The following TRAF3IP1 variants were observed in gnomAD, a reference collection of about 807,000 sequenced individuals.
The protein encoded by TRAF3IP1 is intraflagellar transport 54, also known as TRAF3-interacting protein 1.
A neutral mutation model predicts 89.9 loss-of-function variants in TRAF3IP1; 53 were observed. That is an observed-to-expected ratio of 0.59 (90% CI 0.47 to 0.74). The LOEUF is 0.74. TRAF3IP1 is among the 30% of genes least tolerant of loss of function. The pLI is 0.00. For synonymous variants in TRAF3IP1, 311 were observed against 322.1 expected (o/e 0.97, Z 0.37); for missense variants, 806 against 866.1 (o/e 0.93, Z 0.87).
chr2:238,327,368 G>A (rs1237549562), intron 3 of TRAF3IP1, among the ~76,000 whole-genome samples: 1 of 152,140 alleles, frequency 6.6e-6, no homozygotes, highest in African/African-American at 2.4e-5. Context: ...GTTTATCTGT[G>A]TCCCCAGTAC....
chr2:238,353,480 G>A (rs999099800), intron 14 of TRAF3IP1, among the ~76,000 whole-genome samples: 2 of 152,174 alleles, frequency 1.3e-5, no homozygotes, highest in South Asian at 2.1e-4. Flanking sequence ...ATGACATCTC[G>A]TCTCTTCCGT....
chr2:238,348,291 T>G (rs1221504243), intron 10 of TRAF3IP1, among the ~76,000 whole-genome samples: 2 of 152,196 alleles, frequency 1.3e-5, no homozygotes, highest in Non-Finnish European at 2.9e-5. Flanking sequence ...TGTATATATA[T>G]ATATGCATAT....
chr2:238,392,579 T>G (rs1701039447), intron 15 of TRAF3IP1, among the ~76,000 whole-genome samples: 1 of 152,172 alleles, frequency 6.6e-6, no homozygotes, highest in East Asian at 1.9e-4. Context: ...TGTTCCTTTT[T>G]TTTTTTTCTT....
rs578240988 is a variant in TRAF3IP1 at position 238,374,173 on chromosome 2, T to C, written c.1689+18093T>C. ...CCGGAACTTCCAACACTGTGTTGAA[T>C]AGGAGTGGTGAGAGAGGGCATCCTT... On this transcript the variant is annotated intron_variant, in intron 15 of 16. Transcript: ENST00000373327. Among the ~76,000 whole-genome samples, 31 of 152,342 alleles carry C rather than the reference T, an allele frequency of 2.0e-4. No homozygotes were observed. In the East Asian group the frequency reaches 5.6e-3, roughly 27 times the overall value.
chr2:238,372,369 GA>G (rs1700147007), intron 15 of TRAF3IP1, among the ~76,000 whole-genome samples: 1 of 152,158 alleles, frequency 6.6e-6, no homozygotes, highest in East Asian at 1.9e-4. Context: ...TTATGAGTGA[GA>G]ACATGTGGTG....
intron 15 of TRAF3IP1, among the ~76,000 whole-genome samples, chr2:238,368,389 T>G (rs1699973903): frequency 6.6e-6 from 1 of 152,200 alleles, no homozygotes; most frequent in Non-Finnish European, 1.5e-5. Flanking sequence ...ATTTTTCATA[T>G]TGGACTGTTA....
Position 238,325,697 on chromosome 2 carries a change from A to T in TRAF3IP1, c.193-112A>T, listed in dbSNP as rs923854675. 4.5e-6 allele frequency: 5 copies of T among 1,103,046 alleles called. No individual in the cohort carries two copies. The Admixed American group carries it at 1.4e-4, about 30-fold the overall frequency. The allele number at this position is 1,103,046 out of a possible 1,614,324, so 68.3% of individuals were successfully genotyped here. A position where few individuals can be genotyped will look rare whatever the true frequency, so the allele number is the denominator to read the frequency against. On this transcript the variant is annotated intron_variant, in intron 2 of 16. Transcript: ENST00000373327. ...TATTTCTAGATTTGTTATATATCTA[A>T]AAACAGCTTTGTATGTAAACAGAAA...
chr2:238,325,291 C>G lies in TRAF3IP1; in HGVS notation c.124-15C>G. On this transcript the variant is annotated splice_polypyrimidine_tract_variant and intron_variant, in intron 1 of 16. Transcript: ENST00000373327. ...TCTGTGAGGTGACATGGTGGCCTTTCTTTCTCTCTTGAAGGTGATTAGAAT... is the reference window on the plus strand; with the variant it reads ...TCTGTGAGGTGACATGGTGGCCTTTGTTTCTCTCTTGAAGGTGATTAGAAT... 6.2e-7 allele frequency: 1 copy of G among 1,614,024 alleles called. No homozygotes were observed. Among genetic ancestry groups the G allele is most frequent in the Non-Finnish European group, 8.5e-7 (1 of 1,179,922 alleles).
chr2:238,373,609 A>G (rs1327621579), intron 15 of TRAF3IP1, among the ~76,000 whole-genome samples: 3 of 152,158 alleles, frequency 2.0e-5, no homozygotes, highest in African/African-American at 7.2e-5. Flanking sequence ...TCGTCTTGGC[A>G]ATGCGGGCTC....
At position 238,355,987 on chromosome 2, in the gene TRAF3IP1, C is replaced by T. The variant is rs369251084; in HGVS notation, c.1613-17C>T. ...AGAGAATAAACTTTTAACATAAAAT[C>T]ACTGATTTTTCAACAGGTGGACTTG... is the stretch of plus-strand genomic sequence containing the variant. On this transcript the variant is annotated splice_polypyrimidine_tract_variant and intron_variant, in intron 14 of 16. Coordinates refer to ENST00000373327, the MANE Select transcript of TRAF3IP1 (RefSeq NM_015650.4). The T allele has an allele frequency of 1.2e-5, 19 of 1,602,000 alleles. No homozygotes were observed. The highest frequency in any genetic ancestry group is 1.5e-5 in the Non-Finnish European group (18 of 1,169,848).
At chr2:238,326,001 A>C (rs752599588) in intron 3 of TRAF3IP1, 31 bp downstream of exon 3, 2 of 1,592,098 alleles carry the variant, frequency 1.3e-6, no homozygotes, top group Admixed American at 3.6e-5. Flanking sequence ...TTTTGAACTT[A>C]CTTAGTACTT....
intron 15 of TRAF3IP1, among the ~76,000 whole-genome samples, chr2:238,357,259 A>T (rs1325156452): frequency 6.6e-6 from 1 of 152,210 alleles, no homozygotes. Context: ...TGTGTCTCAA[A>T]TGCCACAGCC....
At chr2:238,365,550 C>T (rs549157520) in intron 15 of TRAF3IP1, among the ~76,000 whole-genome samples, 2 of 151,910 alleles carry the variant, frequency 1.3e-5, no homozygotes, top group East Asian at 1.9e-4. Flanking sequence ...TCCAGCCACT[C>T]GGGAGGCTGA....
chr2:238,386,621 A>G (rs1208970049), intron 15 of TRAF3IP1, among the ~76,000 whole-genome samples: 3 of 152,036 alleles, frequency 2.0e-5, no homozygotes, highest in African/African-American at 7.2e-5. Flanking sequence ...CCAAAATTTA[A>G]CTCTTGAAGC....
intron 15 of TRAF3IP1, among the ~76,000 whole-genome samples, chr2:238,374,739 G>A (rs1041494696): frequency 6.6e-6 from 1 of 152,146 alleles, no homozygotes; most frequent in East Asian, 1.9e-4. Flanking sequence ...GTAGAATTTG[G>A]CTCTGAATCC....
Position 238,325,868 on chromosome 2 carries a change from G to C in TRAF3IP1, c.252G>C (p.Ser84=). Residue 84 remains serine, a synonymous_variant, in exon 3 of 17, where the codon TCG becomes TCC. Coordinates refer to ENST00000373327, the MANE Select transcript of TRAF3IP1 (RefSeq NM_015650.4). ...CCATAGACGTGGTTGTAATGGTGTC[G>C]GGAGAGCCACTGTTGGCCAAACCAG... The part of the protein sequence containing the change: ...QKAIDVVVMV[S]GEPLLAKPAR... The C allele has an allele frequency of 1.2e-6, 2 of 1,614,194 alleles. No homozygotes were observed. The highest frequency in any genetic ancestry group is 1.7e-6 in the Non-Finnish European group (2 of 1,180,030).
intron 3 of TRAF3IP1, 114 bp downstream of exon 3, chr2:238,326,084 T>G: frequency 1.0e-6 from 1 of 985,002 alleles, no homozygotes; most frequent in Non-Finnish European, 1.5e-6. Context: ...GTGGTGTCTG[T>G]CAAACACTGT....
At chr2:238,374,970 G>A (rs2106356194) in intron 15 of TRAF3IP1, among the ~76,000 whole-genome samples, 1 of 152,214 alleles carries the variant, frequency 6.6e-6, no homozygotes, top group East Asian at 1.9e-4. Context: ...GGGATTGCTG[G>A]TGATATCTCC....
chr2:238,390,979 G>A (rs866648083), intron 15 of TRAF3IP1, among the ~76,000 whole-genome samples: 3 of 152,044 alleles, frequency 2.0e-5, no homozygotes, highest in African/African-American at 4.8e-5. Flanking sequence ...TGAGAAAAAA[G>A]GGTTTCGCTC....
Sources: allele counts gnomAD v4.1 joint callset (sites outside exome capture counted in the v4.1 genomes callset), GRCh38; gene constraint gnomAD v4.1.1; transcripts MANE v1.5; gene names NCBI Gene and HGNC (gene_info 2026-07-23, HGNC 2026-07-21).